PARD3: variants seen among roughly 807,000 people sequenced by gnomAD.
The protein encoded by PARD3 is par-3 family cell polarity regulator.
In PARD3, 75 loss-of-function variants were observed where a neutral mutation model predicts 155.4. The observed-to-expected ratio is 0.48, with a 90% CI of 0.40 to 0.58. The LOEUF is 0.58. PARD3 is among the 20% of genes least tolerant of loss of function. The probability of loss-of-function intolerance (pLI) is 0.00; values close to 1 mark genes in which losing one functional copy is unlikely to be tolerated. For missense variants in PARD3, 1,642 were observed against 1,721.7 expected, an observed-to-expected ratio of 0.95 and a Z score of 0.82; for synonymous variants, 576 against 610.5, an observed-to-expected ratio of 0.94 and a Z score of 0.83.
intron 2 of PARD3, among the ~76,000 whole-genome samples, chr10:34,567,030 G>T (rs2086004964): frequency 6.6e-6 from 1 of 151,940 alleles, no homozygotes; most frequent in South Asian, 2.1e-4. Flanking sequence ...TAAAGACTTG[G>T]AAATAAAGTA....
chr10:34,744,216 C>T (rs1835024245), intron 1 of PARD3, among the ~76,000 whole-genome samples: 1 of 152,172 alleles, frequency 6.6e-6, no homozygotes, highest in South Asian at 2.1e-4. Context: ...AGTTAAAATG[C>T]AACAAGCCAG....
intron 2 of PARD3, among the ~76,000 whole-genome samples, chr10:34,592,995 A>G (rs1485681537): frequency 6.6e-6 from 1 of 152,214 alleles, no homozygotes; most frequent in African/African-American, 2.4e-5. Flanking sequence ...CTACACATGC[A>G]GAAGGGAATG....
Position 34,470,187 on chromosome 10 carries a change from A to T in PARD3, c.480T>A (p.Phe160Leu), listed in dbSNP as rs780266701. The T allele has an allele frequency of 6.2e-7, 1 of 1,613,582 alleles. No individual in the cohort carries two copies. Reference protein sequence around the residue: ...GLSTSVSDSNFSSEEPSRKNP... With the variant: ...GLSTSVSDSNLSSEEPSRKNP... ...TTTTCCTTGAAGGCTCTTCAGAGGA[A>T]AAATTACTATCACTGACAGAAGTGG... is the stretch of plus-strand genomic sequence containing the variant. The change falls in exon 4 of 25, where the codon TTT becomes TTA. Residue 160 changes from phenylalanine to leucine, a missense_variant. By Grantham distance (22) the Phe-to-Leu change is conservative. Coordinates refer to ENST00000374788, the MANE Select transcript of PARD3 (RefSeq NM_001184785.2).
At chr10:34,791,566 C>G (rs1438186780) in intron 1 of PARD3, among the ~76,000 whole-genome samples, 2 of 152,140 alleles carry the variant, frequency 1.3e-5, no homozygotes, top group Non-Finnish European at 2.9e-5. Context: ...AGTGAAAGAG[C>G]CAGGTCCCCA....
rs898947434 is a variant in PARD3 at position 34,303,583 on chromosome 10, T to C, written c.3065+13524A>G. ...AGCTCAACTTGGGATGTTTTCCTAA[T>C]AGCTAAAATCAGCTATAAGAGCAGG... On this transcript the variant is annotated intron_variant, in intron 20 of 24. Transcript: ENST00000374788. Among the ~76,000 whole-genome samples the C allele has an allele frequency of 1.9e-4, 29 of 151,826 alleles. 1 individual carries two copies. Among genetic ancestry groups the C allele is most frequent in the Non-Finnish European group, 4.4e-5 (3 of 67,984 alleles).
chr10:34,388,101 G>T, intron 7 of PARD3, among the ~76,000 whole-genome samples: 1 of 152,086 alleles, frequency 6.6e-6, no homozygotes, highest in Admixed American at 6.6e-5. Flanking sequence ...GGAGATAGAG[G>T]GTGGAAGAAG....
At chr10:34,541,343 A>C (rs1416877235) in intron 2 of PARD3, among the ~76,000 whole-genome samples, 1 of 152,200 alleles carries the variant, frequency 6.6e-6, no homozygotes, top group Non-Finnish European at 1.5e-5. Context: ...GAGAAATGAA[A>C]ATTTAAATCT....
At chr10:34,558,115 G>A (rs1039712315) in intron 2 of PARD3, among the ~76,000 whole-genome samples, 7 of 151,854 alleles carry the variant, frequency 4.6e-5, no homozygotes, top group African/African-American at 1.5e-4. Flanking sequence ...TACACTGAAC[G>A]TTTCTCACCA....
At chr10:34,708,460 G>A (rs1049542802) in intron 1 of PARD3, among the ~76,000 whole-genome samples, 1 of 152,130 alleles carries the variant, frequency 6.6e-6, no homozygotes, top group Non-Finnish European at 1.5e-5. Context: ...GTTATACAAC[G>A]AACAGTCATT....
chr10:34,566,863 T>C (rs745547026), intron 2 of PARD3, among the ~76,000 whole-genome samples: 5 of 152,152 alleles, frequency 3.3e-5, no homozygotes, highest in Admixed American at 2.6e-4. Flanking sequence ...TAAGAATATA[T>C]CTTTAAGTGT....
chr10:34,162,060 C>T (rs1295977570), intron 22 of PARD3, among the ~76,000 whole-genome samples: 1 of 152,118 alleles, frequency 6.6e-6, no homozygotes. Flanking sequence ...AGGCAGGAGG[C>T]AGAGAACTCT....
At position 34,341,622 on chromosome 10, in the gene PARD3, C is replaced by CG; in HGVS notation, c.2408+4_2408+5insC. Reference sequence around the variant, plus strand: ...ATGTTTTCCAACCCTGGACGATGAGCTTACCAGTCGGCTGAATCACTGATT... The same window carrying CG: ...ATGTTTTCCAACCCTGGACGATGAGCGTTACCAGTCGGCTGAATCACTGATT... On this transcript the variant is annotated splice_donor_region_variant and intron_variant, in intron 16 of 24. Transcript: ENST00000374788. 1 of 1,608,988 alleles carries CG rather than the reference C, an allele frequency of 6.2e-7. No homozygotes were observed. Among genetic ancestry groups the CG allele is most frequent in the Non-Finnish European group, 8.5e-7 (1 of 1,177,674 alleles).
At chr10:34,584,871 T>A (rs1202131309) in intron 2 of PARD3, among the ~76,000 whole-genome samples, 2 of 152,134 alleles carry the variant, frequency 1.3e-5, no homozygotes, top group African/African-American at 4.8e-5. Flanking sequence ...CCAGGCTCAT[T>A]AGGTCTTCCC....
chr10:34,555,202 G>A (rs926587266), intron 2 of PARD3, among the ~76,000 whole-genome samples: 5 of 152,172 alleles, frequency 3.3e-5, no homozygotes, highest in Non-Finnish European at 5.9e-5. Context: ...AGGAGGCTAT[G>A]CAAGTTTGTG....
chr10:34,743,374 G>A (rs2095052823), intron 1 of PARD3, among the ~76,000 whole-genome samples: 1 of 152,148 alleles, frequency 6.6e-6, no homozygotes, highest in Non-Finnish European at 1.5e-5. Context: ...GAAGGTGGTG[G>A]TACACCTTCA....
chr10:34,222,906 C>T (rs1952381079), intron 22 of PARD3, among the ~76,000 whole-genome samples: 1 of 152,212 alleles, frequency 6.6e-6, no homozygotes, highest in South Asian at 2.1e-4. Flanking sequence ...CCTGGCCCAC[C>T]CGGCTCTCCT....
chr10:34,158,540 A>G (rs1042737212), intron 22 of PARD3, among the ~76,000 whole-genome samples: 2 of 152,236 alleles, frequency 1.3e-5, no homozygotes, highest in Admixed American at 1.3e-4. Context: ...TGACTGGGTC[A>G]GTACAGCTTC....
chr10:34,186,016 T>G (rs1406200162), intron 22 of PARD3, among the ~76,000 whole-genome samples: 1 of 151,904 alleles, frequency 6.6e-6, no homozygotes, highest in East Asian at 1.9e-4. Flanking sequence ...GAGCGGCATG[T>G]GTAAAATTGC....
intron 2 of PARD3, among the ~76,000 whole-genome samples, chr10:34,556,540 GC>G (rs1276722072): frequency 6.6e-6 from 1 of 151,760 alleles, no homozygotes; most frequent in Admixed American, 6.6e-5. Context: ...CCACCACCAC[GC>G]CCGGCTAATT....
Sources: allele counts gnomAD v4.1 joint callset (sites outside exome capture counted in the v4.1 genomes callset), GRCh38; gene constraint gnomAD v4.1.1; transcripts MANE v1.5; gene names NCBI Gene and HGNC (gene_info 2026-07-23, HGNC 2026-07-21).